PALLD: variants seen among roughly 807,000 people sequenced by gnomAD.
The protein encoded by PALLD is palladin, cytoskeletal associated protein.
PALLD carries 61 observed loss-of-function variants against 123.5 expected under a neutral mutation model. The ratio of observed to expected loss-of-function variants is 0.49; its 90% CI spans 0.40 to 0.61. PALLD has a LOEUF of 0.61. PALLD is among the 20% of genes least tolerant of loss of function. The probability of loss-of-function intolerance (pLI) is 0.00; values close to 1 mark genes in which losing one functional copy is unlikely to be tolerated. For synonymous variants in PALLD, 465 were observed against 496.4 expected, an observed-to-expected ratio of 0.94 and a Z score of 0.84; for missense variants, 1,273 against 1,377.0, an observed-to-expected ratio of 0.92 and a Z score of 1.20.
At chr4:168,590,867 T>G (rs1412463275) in intron 2 of PALLD, among the ~76,000 whole-genome samples, 11 of 12,574 alleles carry the variant, frequency 8.7e-4, no homozygotes, top group African/African-American at 6.5e-3. Context: ...CTAGAAAGTT[T>G]TTTTTTTTTT....
At position 168,511,537 on chromosome 4, in the gene PALLD, T is replaced by C. The variant is rs1762529525; in HGVS notation, c.33T>C (p.Tyr11=). 1 of 1,614,016 alleles carries C rather than the reference T, an allele frequency of 6.2e-7. No homozygotes were observed. Among genetic ancestry groups the C allele is most frequent in the Non-Finnish European group, 8.5e-7 (1 of 1,179,858 alleles). The part of the protein sequence containing the change: MSGTSSHESF[Y]DSLSDMQEES... ...GGACCTCCTCCCATGAGTCCTTCTA[T>C]GACTCCCTCTCAGACATGCAGGAAG... The change falls in exon 2 of 22, where the codon TAT becomes TAC. Residue 11 remains tyrosine, a synonymous_variant. Coordinates refer to ENST00000505667, the MANE Select transcript of PALLD (RefSeq NM_001166108.2).
chr4:168,578,584 C>T (rs561659220), intron 2 of PALLD, among the ~76,000 whole-genome samples: 1 of 152,170 alleles, frequency 6.6e-6, no homozygotes, highest in East Asian at 1.9e-4. Flanking sequence ...TTATAAATTA[C>T]TCAGTCTTGG....
At chr4:168,754,531 GCTGA>G (rs1731509971) in intron 10 of PALLD, among the ~76,000 whole-genome samples, 1 of 152,262 alleles carries the variant, frequency 6.6e-6, no homozygotes, top group East Asian at 1.9e-4. Flanking sequence ...GTTACATTAT[GCTGA>G]CTATTATTTT....
Position 168,811,768 on chromosome 4 carries a change from T to TCACACA in PALLD, c.1965-79153_1965-79152insACACAC, listed in dbSNP as rs1201722924. 9.2e-3 allele frequency among the ~76,000 whole-genome samples: 1,012 copies of TCACACA among 109,810 alleles called. 8 individuals carry two copies. The highest frequency in any genetic ancestry group is 0.031 in the African/African-American group (971 of 30,954). 72.0% of individuals were successfully genotyped at this position (109,810 alleles called of 152,430 possible). Reference sequence around the variant, plus strand: ...CTTTCTCTCTCTCTTTCTCTCTCTCTCTCTCTCTCACACACACACACACAC... The same window carrying TCACACA: ...CTTTCTCTCTCTCTTTCTCTCTCTCTCACACACTCTCTCTCACACACACACACACAC... On this transcript the variant is annotated intron_variant, in intron 10 of 21. Transcript: ENST00000505667.
At chr4:168,677,683 C>T (rs1441933820) in intron 3 of PALLD, among the ~76,000 whole-genome samples, 6 of 152,232 alleles carry the variant, frequency 3.9e-5, no homozygotes, top group African/African-American at 1.2e-4. Context: ...GGGTCACCCC[C>T]GACCTTCTGA....
intron 18 of PALLD, among the ~76,000 whole-genome samples, chr4:168,923,083 A>G (rs929018135): frequency 1.3e-5 from 2 of 152,242 alleles, no homozygotes; most frequent in Non-Finnish European, 2.9e-5. Flanking sequence ...CTGCACAGCA[A>G]TGCTGCAAAG....
chr4:168,824,266 C>CATTTTTTT (rs1285051078), intron 10 of PALLD, among the ~76,000 whole-genome samples: 2 of 152,056 alleles, frequency 1.3e-5, no homozygotes, highest in African/African-American at 4.8e-5. Context: ...TCCAGAAATA[C>CATTTTTTT]ATTTTTTTAT....
In PALLD at chr4:168,922,085, T is replaced by TTA. The variant is rs149658107; in HGVS notation, c.3058+361_3058+362dup. ...TTTGCTTATATATAAAGTTTTATATTTATATATATATATATATACACACAC... is the reference window on the plus strand; with the variant it reads ...TTTGCTTATATATAAAGTTTTATATTTATATATATATATATATATACACACAC... On this transcript the variant is annotated intron_variant, in intron 18 of 21. Transcript: ENST00000505667. Among the ~76,000 whole-genome samples, 189 of 134,328 alleles carry TTA rather than the reference T, an allele frequency of 1.4e-3. 1 individual carries two copies. Among genetic ancestry groups the TTA allele is most frequent in the African/African-American group, 4.4e-3 (158 of 35,636 alleles). 88.1% of individuals were successfully genotyped at this position (134,328 alleles called of 152,430 possible). A position where few individuals can be genotyped will look rare whatever the true frequency, so the allele number is the denominator to read the frequency against.
At chr4:168,854,161 G>GTCATTCAT (rs35153183) in intron 10 of PALLD, among the ~76,000 whole-genome samples, 2 of 151,252 alleles carry the variant, frequency 1.3e-5, no homozygotes, top group African/African-American at 4.9e-5. Flanking sequence ...TACTCATGGA[G>GTCATTCAT]TCATTCATTC....
intron 5 of PALLD, among the ~76,000 whole-genome samples, chr4:168,684,140 A>C (rs889374214): frequency 6.6e-6 from 1 of 152,236 alleles, no homozygotes; most frequent in Admixed American, 6.5e-5. Context: ...ATTTCATGAC[A>C]GGAAAAAATG....
chr4:168,663,067 A>G (rs773433843), intron 2 of PALLD, among the ~76,000 whole-genome samples: 1 of 152,236 alleles, frequency 6.6e-6, no homozygotes, highest in Non-Finnish European at 1.5e-5. Context: ...GGCCGATATT[A>G]AACTATTTGT....
intron 3 of PALLD, among the ~76,000 whole-genome samples, chr4:168,670,019 G>C (rs1290133064): frequency 6.6e-6 from 1 of 152,092 alleles, no homozygotes; most frequent in Non-Finnish European, 1.5e-5. Flanking sequence ...AAAAATGAAT[G>C]ATAAAAAGAT....
intron 3 of PALLD, among the ~76,000 whole-genome samples, chr4:168,676,190 T>A (rs966227972): frequency 1.3e-5 from 2 of 152,210 alleles, no homozygotes; most frequent in Admixed American, 6.5e-5. Context: ...CTTTTTTTTT[T>A]AATTTAACCT....
intron 10 of PALLD, among the ~76,000 whole-genome samples, chr4:168,748,708 T>A (rs1340594916): frequency 1.3e-5 from 2 of 152,132 alleles, no homozygotes; most frequent in Admixed American, 1.3e-4. Flanking sequence ...TTTAGGTTAT[T>A]AGCAGAGTGC....
intron 2 of PALLD, among the ~76,000 whole-genome samples, chr4:168,543,475 C>G (rs1023066375): frequency 6.6e-6 from 1 of 151,892 alleles, no homozygotes; most frequent in Admixed American, 6.6e-5. Flanking sequence ...TTCCTCTATT[C>G]TGCCTCCGCC....
intron 10 of PALLD, among the ~76,000 whole-genome samples, chr4:168,814,540 A>C (rs1434961821): frequency 6.6e-6 from 1 of 152,202 alleles, no homozygotes; most frequent in Non-Finnish European, 1.5e-5. Flanking sequence ...TAAGGTTCAT[A>C]GGACGAAATT....
intron 10 of PALLD, among the ~76,000 whole-genome samples, chr4:168,836,513 A>G (rs937292673): frequency 3.3e-5 from 5 of 152,220 alleles, no homozygotes; most frequent in Admixed American, 6.5e-5. Flanking sequence ...AATTTCACCA[A>G]TGAATGGGAG....
Position 168,705,951 on chromosome 4 carries a change from C to G in PALLD, c.1502-3077C>G, listed in dbSNP as rs139483654. On this transcript the variant is annotated intron_variant, in intron 8 of 21. Transcript: ENST00000505667. ...AGCCACTGCGCCTGGCCTTAAATTA[C>G]CATAAATGGATGAATACTTAATATA... 6.6e-5 allele frequency among the ~76,000 whole-genome samples: 10 copies of G among 152,200 alleles called. No homozygotes were observed. The East Asian group carries it at 1.7e-3, about 26-fold the overall frequency.
At chr4:168,771,936 G>C (rs190662050) in intron 10 of PALLD, among the ~76,000 whole-genome samples, 87 of 152,268 alleles carry the variant, frequency 5.7e-4, no homozygotes, top group African/African-American at 1.6e-3. Context: ...AAGAGGGGTA[G>C]TATATATTTT....
Sources: allele counts gnomAD v4.1 joint callset (sites outside exome capture counted in the v4.1 genomes callset), GRCh38; gene constraint gnomAD v4.1.1; transcripts MANE v1.5; gene names NCBI Gene and HGNC (gene_info 2026-07-23, HGNC 2026-07-21).